The following QTMAN variants were observed in gnomAD, a reference collection of about 807,000 sequenced individuals.
QTMAN encodes the protein tRNA-queuosine alpha-mannosyltransferase.
the QTMAN span, among the ~76,000 whole-genome samples, chr2:144,206,620 G>A: frequency 1.3e-5 from 2 of 152,144 alleles, no homozygotes; most frequent in Admixed American, 6.6e-5. Context: ...AGATACCATT[G>A]TTAGGCGGTG....
the QTMAN span, among the ~76,000 whole-genome samples, chr2:143,954,096 C>A: frequency 1.3e-5 from 2 of 151,818 alleles, no homozygotes; most frequent in Non-Finnish European, 2.9e-5. Context: ...CAAACTAATA[C>A]CTCATATTTT....
chr2:144,094,300 T>C, the QTMAN span, among the ~76,000 whole-genome samples: 1 of 152,216 alleles, frequency 6.6e-6, no homozygotes, highest in African/African-American at 2.4e-5. Context: ...TCAGATAATG[T>C]AGCCTGATAA....
At chr2:144,141,550 C>T in the QTMAN span, among the ~76,000 whole-genome samples, 1 of 133,650 alleles carries the variant, frequency 7.5e-6, no homozygotes. Flanking sequence ...AAGCTGAATG[C>T]AAAGGTTGAG....
At chr2:144,218,915 TAAAA>T in the QTMAN span, among the ~76,000 whole-genome samples, 12 of 54,602 alleles carry the variant, frequency 2.2e-4, no homozygotes, top group African/African-American at 4.5e-4. Context: ...GGAAAGTATC[TAAAA>T]AAAAAAAAAA....
the QTMAN span, among the ~76,000 whole-genome samples, chr2:144,076,038 G>GGAGAT: frequency 1.3e-5 from 2 of 152,184 alleles, no homozygotes; most frequent in African/African-American, 4.8e-5. Context: ...CACGAGGTCA[G>GGAGAT]GAGATCAAGA....
chr2:144,246,153 T>C, the QTMAN span, among the ~76,000 whole-genome samples: 3 of 152,204 alleles, frequency 2.0e-5, no homozygotes, highest in Non-Finnish European at 4.4e-5. Context: ...TGAGTACATA[T>C]GCACATGGGC....
chr2:144,054,324 A>G, the QTMAN span, among the ~76,000 whole-genome samples: 1 of 152,178 alleles, frequency 6.6e-6, no homozygotes, highest in African/African-American at 2.4e-5. Flanking sequence ...AAATGATTAT[A>G]AAAAGAGAAC....
At chr2:143,987,727 G>A in the QTMAN span, among the ~76,000 whole-genome samples, 283 of 152,292 alleles carry the variant, frequency 1.9e-3, no homozygotes, top group African/African-American at 6.6e-3. Context: ...TAGTCTCTGC[G>A]CTTAAGGTAG....
At chr2:144,109,581 A>G in the QTMAN span, among the ~76,000 whole-genome samples, 2 of 152,208 alleles carry the variant, frequency 1.3e-5, no homozygotes, top group African/African-American at 4.8e-5. Context: ...CTGCACAGCA[A>G]AAGAAATCAC....
chr2:144,234,095 A>C, the QTMAN span, among the ~76,000 whole-genome samples: 3 of 152,196 alleles, frequency 2.0e-5, no homozygotes, highest in African/African-American at 7.2e-5. Flanking sequence ...TCCAAAATTA[A>C]ATAATCTGAT....
the QTMAN span, among the ~76,000 whole-genome samples, chr2:144,004,435 T>C: frequency 2.0e-5 from 3 of 152,014 alleles, no homozygotes; most frequent in Non-Finnish European, 2.9e-5. Context: ...ATTTTCTAAT[T>C]CATATTCACC....
the QTMAN span, among the ~76,000 whole-genome samples, chr2:143,985,495 A>C: frequency 6.6e-6 from 1 of 152,232 alleles, no homozygotes; most frequent in African/African-American, 2.4e-5. Context: ...CAGTTCATTC[A>C]TGTTCATGGA....
the QTMAN span, among the ~76,000 whole-genome samples, chr2:144,261,356 A>C: frequency 1.3e-5 from 2 of 152,244 alleles, no homozygotes. Flanking sequence ...ATATTTAAGC[A>C]AAAATAATAA....
At chr2:144,199,690 T>C in the QTMAN span, among the ~76,000 whole-genome samples, 3 of 152,124 alleles carry the variant, frequency 2.0e-5, no homozygotes, top group African/African-American at 7.2e-5. Context: ...CAAATAAGCC[T>C]AGGAAAAAGT....
the QTMAN span, among the ~76,000 whole-genome samples, chr2:144,123,154 C>A: frequency 6.6e-6 from 1 of 152,232 alleles, no homozygotes; most frequent in South Asian, 2.1e-4. Context: ...GAATTTGATA[C>A]ACTATCATTA....
the QTMAN span, among the ~76,000 whole-genome samples, chr2:144,182,894 ATATATAT>A: frequency 2.2e-5 from 2 of 90,498 alleles, no homozygotes; most frequent in Admixed American, 1.7e-4. Context: ...TTTTATATAT[ATATATAT>A]TATATATATA....
chr2:144,332,194 C>G, the QTMAN span, among the ~76,000 whole-genome samples: 5 of 151,870 alleles, frequency 3.3e-5, no homozygotes, highest in Non-Finnish European at 7.4e-5. Flanking sequence ...ACGCCCCATT[C>G]CGAGCGCGGT....
At chr2:143,968,968 A>T in the QTMAN span, among the ~76,000 whole-genome samples, 1 of 152,120 alleles carries the variant, frequency 6.6e-6, no homozygotes, top group Non-Finnish European at 1.5e-5. Flanking sequence ...CCTGTTCAAG[A>T]TCTAGGCTCC....
At chr2:144,018,986 A>G in the QTMAN span, among the ~76,000 whole-genome samples, 9 of 152,214 alleles carry the variant, frequency 5.9e-5, no homozygotes, top group Non-Finnish European at 1.0e-4. Flanking sequence ...GCATGTGCAT[A>G]AAGCCCAGGG....
Sources: allele counts gnomAD v4.1 joint callset (sites outside exome capture counted in the v4.1 genomes callset), GRCh38; gene constraint gnomAD v4.1.1; transcripts MANE v1.5; gene names NCBI Gene and HGNC (gene_info 2026-07-23, HGNC 2026-07-21).